Variants in PYGL observed in about 807,000 individuals in gnomAD.
PYGL encodes glycogen phosphorylase, liver form.
In PYGL, 90 loss-of-function variants were observed where a neutral mutation model predicts 100.1. The ratio of observed to expected loss-of-function variants is 0.90; its 90% CI spans 0.76 to 1.07. The LOEUF is 1.07. Among genes scored for constraint, PYGL ranks in the 50% least tolerant of loss-of-function variants. The pLI is 0.00. For synonymous variants in PYGL, 373 were observed against 393.0 expected (o/e 0.95, Z 0.60); for missense variants, 1,016 against 1,057.6 (o/e 0.96, Z 0.55).
rs138888959 is a variant in PYGL, at chr14:50,914,765, T to C, written c.1454A>G (p.Asn485Ser). 82 of 1,613,914 alleles carry C rather than the reference T, an allele frequency of 5.1e-5. No individual in the cohort carries two copies. Among genetic ancestry groups the C allele is most frequent in the Non-Finnish European group, 6.8e-5 (80 of 1,179,942 alleles). The part of the protein sequence containing the change: ...LEPDKFQNKT[N>S]GITPRRWLLL... The stretch of plus-strand genomic sequence containing the variant: ...GAGCCAGCGCCTTGGAGTGATCCCA[T>C]TGGTTTTATTCTGAAACTTGTCAGG... The change falls in exon 12 of 20, where the codon AAT becomes AGT. Residue 485 changes from asparagine (N) to serine (S), a missense_variant. Physicochemically the swap from Asn to Ser is conservative, Grantham distance 46. Transcript: ENST00000216392.
intron 7 of PYGL, among the ~76,000 whole-genome samples, chr14:50,919,039 A>G (rs1404124692): frequency 6.6e-6 from 1 of 152,174 alleles, no homozygotes; most frequent in African/African-American, 2.4e-5. Context: ...TTAAAAACAA[A>G]CAAACAAACA....
intron 4 of PYGL, among the ~76,000 whole-genome samples, chr14:50,926,074 T>G (rs549133616): frequency 2.8e-4 from 43 of 152,278 alleles, no homozygotes; most frequent in African/African-American, 9.9e-4. Flanking sequence ...AAAACTAAAC[T>G]TCCGCTATCC....
intron 16 of PYGL, 111 bp from the exon 17 acceptor site, chr14:50,910,213 C>T (rs2050380355): frequency 8.8e-7 from 1 of 1,135,412 alleles, no homozygotes; most frequent in Non-Finnish European, 1.3e-6. Context: ...AATACATGCA[C>T]ATTAAGATAA....
intron 17 of PYGL, 108 bp from the exon 18 acceptor site, chr14:50,909,063 A>T: frequency 8.0e-7 from 1 of 1,253,468 alleles, no homozygotes; most frequent in African/African-American, 1.5e-5. Context: ...ATTCAGAAAT[A>T]CTAGCATTCA....
In PYGL at chr14:50,944,417, G is replaced by T; in HGVS notation, c.-14C>A. 2 of 1,596,140 alleles carry T rather than the reference G, an allele frequency of 1.3e-6. No individual in the cohort carries two copies. The highest frequency in any genetic ancestry group is 1.7e-6 in the Non-Finnish European group (2 of 1,174,992). Reference sequence around the variant, plus strand: ...GGGCTTCGCCATGGCTGGGGCGGCGGGCTGCGCGGCGGGCTGCGCAGAGAG... The same window carrying T: ...GGGCTTCGCCATGGCTGGGGCGGCGTGCTGCGCGGCGGGCTGCGCAGAGAG... On this transcript the variant is annotated 5_prime_UTR_variant, in exon 1 of 20. Transcript: ENST00000216392.
chr14:50,938,129 T>G (rs946707464), intron 1 of PYGL, among the ~76,000 whole-genome samples: 1 of 152,222 alleles, frequency 6.6e-6, no homozygotes, highest in African/African-American at 2.4e-5. Context: ...ACAGAAACCT[T>G]GCTGATAAAA....
intron 1 of PYGL, among the ~76,000 whole-genome samples, chr14:50,941,047 C>T (rs2050697797): frequency 6.6e-6 from 1 of 152,144 alleles, no homozygotes; most frequent in African/African-American, 2.4e-5. Flanking sequence ...ACAGGCCCAC[C>T]TGGACTGAGA....
At chr14:50,908,478 T>G in intron 18 of PYGL, 141 bp from the exon 19 acceptor site, 3 of 846,460 alleles carry the variant, frequency 3.5e-6, no homozygotes, top group Admixed American at 2.1e-5. Flanking sequence ...TTTGTAAGAC[T>G]TTTAACCAGC....
At chr14:50,923,797 A>G (rs1359861200) in intron 5 of PYGL, 172 bp downstream of exon 5, 1 of 817,776 alleles carries the variant, frequency 1.2e-6, no homozygotes, top group Non-Finnish European at 1.8e-6. Flanking sequence ...TGTCTCCAAA[A>G]TGACTGGGCT....
chr14:50,939,797 T>C (rs997077671), intron 1 of PYGL, among the ~76,000 whole-genome samples: 21 of 152,108 alleles, frequency 1.4e-4, no homozygotes, highest in African/African-American at 4.1e-4. Flanking sequence ...TCAAAAAAAA[T>C]TGTGAGTAGA....
At chr14:50,938,906 A>C (rs754041064) in intron 1 of PYGL, among the ~76,000 whole-genome samples, 3 of 152,188 alleles carry the variant, frequency 2.0e-5, no homozygotes, top group Non-Finnish European at 4.4e-5. Context: ...CGGTAAGCTG[A>C]GTTGGCTATG....
At chr14:50,931,139 A>G (rs1009050223) in intron 4 of PYGL, among the ~76,000 whole-genome samples, 1 of 151,602 alleles carries the variant, frequency 6.6e-6, no homozygotes, top group African/African-American at 2.4e-5. Context: ...ACCATAGCAT[A>G]TTAAAGAAGG....
In PYGL at chr14:50,920,983, C is replaced by G; in HGVS notation, c.745G>C (p.Ala249Pro). The G allele has an allele frequency of 6.2e-7, 1 of 1,614,100 alleles. No homozygotes were observed. The highest frequency in any genetic ancestry group is 1.1e-5 in the South Asian group (1 of 91,080). ...VNTMRLWSAR[A>P]PNDFNLRDFN... ...TCTCTGAGGTTAAAGTCATTTGGTGCCCGAGCAGACCAGAGGCGCATGGTG... is the reference window on the plus strand; with the variant it reads ...TCTCTGAGGTTAAAGTCATTTGGTGGCCGAGCAGACCAGAGGCGCATGGTG... The change falls in exon 6 of 20, where the codon GCA becomes CCA. Residue 249 changes from alanine to proline, a missense_variant. Physicochemically the swap from Ala to Pro is conservative, Grantham distance 27 (BLOSUM62 -1). Coordinates refer to ENST00000216392, the MANE Select transcript of PYGL (RefSeq NM_002863.5).
intron 2 of PYGL, among the ~76,000 whole-genome samples, chr14:50,937,338 C>T (rs2050662142): frequency 1.3e-5 from 2 of 152,102 alleles, no homozygotes; most frequent in Non-Finnish European, 2.9e-5. Flanking sequence ...TCACAAATTG[C>T]CTTGATACAT....
intron 14 of PYGL, 45 bp downstream of exon 14, chr14:50,912,111 T>C: frequency 6.2e-7 from 1 of 1,614,048 alleles, no homozygotes; most frequent in Non-Finnish European, 8.5e-7. Context: ...CTGAGTCTGC[T>C]GCTTCCACCT....
chr14:50,944,468 G>T lies in PYGL; in HGVS notation c.-65C>A, dbSNP rs1234721226. ...CTGGAAGTGCGGCCGGAGGCGCTGG[G>T]CTGCCGGGCAGGGGTGGAGTCCGCC... On this transcript the variant is annotated 5_prime_UTR_variant, in exon 1 of 20. Coordinates refer to ENST00000216392, the MANE Select transcript of PYGL (RefSeq NM_002863.5). 8 of 1,524,978 alleles carry T rather than the reference G, an allele frequency of 5.2e-6. No homozygotes were observed. The highest frequency in any genetic ancestry group is 7.0e-6 in the Non-Finnish European group (8 of 1,139,206). 94.5% of individuals were successfully genotyped at this position (1,524,978 alleles called of 1,614,324 possible).
At chr14:50,907,623 C>T (rs868341069) in intron 19 of PYGL, among the ~76,000 whole-genome samples, 2 of 152,080 alleles carry the variant, frequency 1.3e-5, no homozygotes, top group African/African-American at 2.4e-5. Flanking sequence ...GCACAGTGCC[C>T]GGCATAAAAA....
In PYGL at chr14:50,905,429, G is replaced by C. The variant is rs765038633; in HGVS notation, c.2507C>G (p.Ser836Cys). The stretch of plus-strand genomic sequence containing the variant: ...GACTTTGTTAGATTCATTGGATAGA[G>C]AAATCTTTAGATCTGAAGGTTCCAC... ...WNVEPSDLKISLSNESNKVNG... is the reference protein window; with the variant it reads ...WNVEPSDLKICLSNESNKVNG... Residue 836 changes from serine to cysteine, a missense_variant, in exon 20 of 20, where the codon TCT becomes TGT. By Grantham distance (112) the Ser-to-Cys change is moderately radical. Coordinates refer to ENST00000216392, the MANE Select transcript of PYGL (RefSeq NM_002863.5). 1 of 1,613,632 alleles carries C rather than the reference G, an allele frequency of 6.2e-7. No homozygotes were observed. Among genetic ancestry groups the C allele is most frequent in the Non-Finnish European group, 8.5e-7 (1 of 1,179,664 alleles).
intron 1 of PYGL, among the ~76,000 whole-genome samples, chr14:50,940,257 T>TA (rs11420723): frequency 0.096 from 14,667 of 152,256 alleles, 1,392 homozygotes; most frequent in African/African-American, 0.25. Context: ...TCATTATCTC[T>TA]ATAACCATGA....
Sources: allele counts gnomAD v4.1 joint callset (sites outside exome capture counted in the v4.1 genomes callset), GRCh38; gene constraint gnomAD v4.1.1; transcripts MANE v1.5; gene names NCBI Gene and HGNC (gene_info 2026-07-23, HGNC 2026-07-21).